Variants in SPATS2 observed in about 807,000 individuals in gnomAD.
SPATS2 encodes spermatogenesis-associated serine-rich protein 2.
A neutral mutation model predicts 63.7 loss-of-function variants in SPATS2; 38 were observed. The ratio of observed to expected loss-of-function variants is 0.60; its 90% CI spans 0.46 to 0.78. The LOEUF (loss-of-function observed/expected upper bound fraction) is 0.78. Ranked by LOEUF, SPATS2 falls within the 30% of genes least tolerant of loss-of-function variation. The pLI is 0.00. For synonymous variants in SPATS2, 207 were observed against 232.9 expected (o/e 0.89, Z 1.01); for missense variants, 588 against 666.2 (o/e 0.88, Z 1.29).
At chr12:49,462,828 A>T (rs1222273172) in intron 3 of SPATS2, 1 of 252,462 alleles carries the variant, frequency 4.0e-6, no homozygotes, top group Non-Finnish European at 7.7e-6. Context: ...CCTGACGTCC[A>T]GCTAGTTCTC....
At chr12:49,474,364 G>A (rs1290244021) in intron 3 of SPATS2, among the ~76,000 whole-genome samples, 2 of 152,196 alleles carry the variant, frequency 1.3e-5, no homozygotes, top group African/African-American at 2.4e-5. Context: ...AGGTTAATGA[G>A]TGAAGAGTGA....
chr12:49,497,147 A>T (rs1278481964), intron 8 of SPATS2, 138 bp downstream of exon 8: 7 of 830,016 alleles, frequency 8.4e-6, no homozygotes, highest in Non-Finnish European at 1.3e-5. Context: ...ACAGTGACTG[A>T]CTACTCAGCC....
At chr12:49,455,301 C>T (rs1287807668) in intron 2 of SPATS2, among the ~76,000 whole-genome samples, 2 of 152,160 alleles carry the variant, frequency 1.3e-5, no homozygotes, top group African/African-American at 4.8e-5. Flanking sequence ...CTTTTTGAGT[C>T]TTTGCTGCTG....
At chr12:49,457,438 CTT>C (rs529474329) in intron 2 of SPATS2, among the ~76,000 whole-genome samples, 4 of 145,874 alleles carry the variant, frequency 2.7e-5, no homozygotes, top group Admixed American at 6.9e-5. Flanking sequence ...CTTTCATCCT[CTT>C]TTTTTTTTTT....
intron 9 of SPATS2, among the ~76,000 whole-genome samples, chr12:49,510,685 C>G (rs1227470507): frequency 6.6e-6 from 1 of 151,754 alleles, no homozygotes; most frequent in Non-Finnish European, 1.5e-5. Context: ...GTGGAATTGT[C>G]AAGAGTTGTG....
At chr12:49,415,205 C>A (rs891721878) in intron 2 of SPATS2, among the ~76,000 whole-genome samples, 16 of 151,818 alleles carry the variant, frequency 1.1e-4, no homozygotes, top group African/African-American at 3.6e-4. Context: ...GCTGGGATTA[C>A]AGGCTAATTT....
At chr12:49,381,883 TA>T (rs1411442280) in intron 2 of SPATS2, among the ~76,000 whole-genome samples, 5 of 152,214 alleles carry the variant, frequency 3.3e-5, no homozygotes, top group African/African-American at 1.2e-4. Flanking sequence ...CTACCAGGTT[TA>T]TAGGTAGATA....
At chr12:49,510,963 A>G (rs1386960476) in intron 9 of SPATS2, among the ~76,000 whole-genome samples, 1 of 152,196 alleles carries the variant, frequency 6.6e-6, no homozygotes, top group Non-Finnish European at 1.5e-5. Flanking sequence ...TCATGCCTGT[A>G]ATCCCAGGCA....
intron 2 of SPATS2, among the ~76,000 whole-genome samples, chr12:49,399,113 C>T (rs1944561999): frequency 6.6e-6 from 1 of 151,864 alleles, no homozygotes; most frequent in African/African-American, 2.4e-5. Flanking sequence ...CATACGTTTT[C>T]GTGTCTTTTT....
At chr12:49,492,206 T>C (rs1306677694) in intron 6 of SPATS2, among the ~76,000 whole-genome samples, 1 of 151,774 alleles carries the variant, frequency 6.6e-6, no homozygotes, top group African/African-American at 2.4e-5. Context: ...CCAGTTTCTT[T>C]TTTTTCTTTT....
chr12:49,393,121 G>A (rs1002248000), intron 2 of SPATS2, among the ~76,000 whole-genome samples: 1 of 152,086 alleles, frequency 6.6e-6, no homozygotes, highest in Non-Finnish European at 1.5e-5. Flanking sequence ...ATGCCAATTG[G>A]AGTCGTATTT....
chr12:49,524,554 A>C, intron 12 of SPATS2, 128 bp from the exon 13 acceptor site: 1 of 944,606 alleles, frequency 1.1e-6, no homozygotes, highest in Non-Finnish European at 1.6e-6. Flanking sequence ...CCAGTTTTAT[A>C]GGTTTTTCTT....
intron 4 of SPATS2, chr12:49,486,246 C>T: frequency 2.2e-6 from 1 of 452,956 alleles, no homozygotes; most frequent in Non-Finnish European, 4.4e-6. Context: ...ACTCTGTCGT[C>T]CAGGCTGGAG....
intron 9 of SPATS2, among the ~76,000 whole-genome samples, chr12:49,506,218 C>G (rs1946651746): frequency 6.6e-6 from 1 of 152,154 alleles, no homozygotes; most frequent in African/African-American, 2.4e-5. Flanking sequence ...AAGATATTTT[C>G]AATTTGCACA....
Position 49,378,603 on chromosome 12 carries a change from A to T in SPATS2, c.-244+7313A>T, listed in dbSNP as rs563398738. 4.8e-3 allele frequency among the ~76,000 whole-genome samples: 701 copies of T among 147,432 alleles called. 2 individuals carry two copies. Among genetic ancestry groups the T allele is most frequent in the Non-Finnish European group, 7.8e-3 (518 of 66,390 alleles). On this transcript the variant is annotated intron_variant, in intron 2 of 13. Transcript: ENST00000552918. ...TGAGCCACCACGCCCGGCCAATTTT[A>T]TTTTTTTTTTGAGACAGGGTCTAGC...
intron 9 of SPATS2, among the ~76,000 whole-genome samples, chr12:49,503,170 T>G (rs1946593725): frequency 6.6e-6 from 1 of 151,216 alleles, no homozygotes; most frequent in South Asian, 2.1e-4. Flanking sequence ...GCCAACATGG[T>G]GAAACCCCAT....
intron 3 of SPATS2, chr12:49,462,307 G>T (rs1463396231): frequency 1.4e-6 from 1 of 702,276 alleles, no homozygotes; most frequent in African/African-American, 1.7e-5. Flanking sequence ...GGAAGGAACT[G>T]GAGGGCATGA....
At chr12:49,424,764 C>G (rs1270831844) in intron 2 of SPATS2, among the ~76,000 whole-genome samples, 1 of 152,150 alleles carries the variant, frequency 6.6e-6, no homozygotes, top group Non-Finnish European at 1.5e-5. Flanking sequence ...GCAACCTCCG[C>G]CCCCCACCAG....
At chr12:49,386,101 G>A (rs528399433) in intron 2 of SPATS2, among the ~76,000 whole-genome samples, 8 of 143,540 alleles carry the variant, frequency 5.6e-5, no homozygotes, top group Admixed American at 1.4e-4. Context: ...ACTCCTGACC[G>A]CAAGTGATCC....
Sources: gnomAD v4.1 joint callset for allele counts (sites outside exome capture counted in the v4.1 genomes callset) on GRCh38, gnomAD v4.1.1 for gene constraint, MANE v1.5 for transcripts, NCBI Gene and HGNC (gene_info 2026-07-23, HGNC 2026-07-21) for gene names.